The following PCDHA4 variants were observed in gnomAD, a reference collection of about 807,000 sequenced individuals.
PCDHA4 encodes protocadherin alpha-4.
A neutral mutation model predicts 61.4 loss-of-function variants in PCDHA4; 49 were observed. That is an observed-to-expected ratio of 0.80 (90% CI 0.63 to 1.01). The LOEUF (loss-of-function observed/expected upper bound fraction) is 1.01, where lower values mean the gene tolerates loss of function less well. PCDHA4 is among the 50% of genes least tolerant of loss of function. The pLI is 0.00. For missense variants in PCDHA4, 1,254 were observed against 1,235.8 expected (o/e 1.01, Z -0.22); for synonymous variants, 590 against 550.3 (o/e 1.07, Z -1.01).
intron 1 of PCDHA4, chr5:140,926,550 C>A (rs1235832737): frequency 1.7e-5 from 4 of 233,488 alleles, no homozygotes; most frequent in Admixed American, 5.6e-5. Context: ...TGGTCGAGAC[C>A]CCAGCCCGCT....
At position 140,828,476 on chromosome 5, in the gene PCDHA4, A is replaced by T. The variant is rs2150155737; in HGVS notation, c.2385+18904A>T. 1.4e-5 allele frequency: 22 copies of T among 1,614,168 alleles called. No homozygotes were observed. The South Asian group carries it at 2.4e-4, about 18-fold the overall frequency. On this transcript the variant is annotated intron_variant, in intron 1 of 3. Coordinates refer to ENST00000530339, the MANE Select transcript of PCDHA4 (RefSeq NM_018907.4). ...CGTGGAGGTGAGGGACATTAACGAC[A>T]ACCCGCCCTTGTTCCCGGTAGAGGA...
At chr5:140,817,298 G>GAAAGTGCACCAGA (rs1766109472) in intron 1 of PCDHA4, 1 of 152,200 alleles carries the variant, frequency 6.6e-6, no homozygotes, top group Non-Finnish European at 1.5e-5. Flanking sequence ...GGACTATAGG[G>GAAAGTGCACCAGA]AAAGTGCCCC....
At chr5:140,882,491 C>T (rs782462724) in intron 1 of PCDHA4, 1 of 1,614,078 alleles carries the variant, frequency 6.2e-7, no homozygotes, top group South Asian at 1.1e-5. Flanking sequence ...CGGGGACCTT[C>T]TGGAGGTAAA....
intron 1 of PCDHA4, chr5:140,815,973 G>T (rs1466366404): frequency 6.6e-6 from 1 of 152,142 alleles, no homozygotes; most frequent in Non-Finnish European, 1.5e-5. Context: ...TCTTTTGTAC[G>T]TGATGAGGCA....
At chr5:140,901,766 A>T (rs2068897184) in intron 1 of PCDHA4, among the ~76,000 whole-genome samples, 1 of 152,188 alleles carries the variant, frequency 6.6e-6, no homozygotes, top group Admixed American at 6.5e-5. Flanking sequence ...CAGGGATTGC[A>T]TTGAATTTGT....
At chr5:140,813,517 G>T (rs1342300406) in intron 1 of PCDHA4, 1 of 152,142 alleles carries the variant, frequency 6.6e-6, no homozygotes, top group Non-Finnish European at 1.5e-5. Flanking sequence ...ACATTGTACA[G>T]ATTTTTAAAA....
chr5:140,944,799 G>A (rs1160069845), intron 1 of PCDHA4, among the ~76,000 whole-genome samples: 2 of 152,090 alleles, frequency 1.3e-5, no homozygotes, highest in Non-Finnish European at 2.9e-5. Flanking sequence ...CAAGTCTGTC[G>A]AGGGTCCACA....
At chr5:140,929,050 C>T (rs946542782) in intron 1 of PCDHA4, 11 of 1,614,026 alleles carry the variant, frequency 6.8e-6, no homozygotes, top group African/African-American at 5.3e-5. Flanking sequence ...GAGCTGCTGT[C>T]GCTCTACAGA....
In PCDHA4 at chr5:140,923,298, C is replaced by T. The variant is rs1039610789; in HGVS notation, c.2386-55651C>T. ...TACAAAAAATTAAAAATTAGCTGGG[C>T]GTGGGGGCGCTTGGCCTAGAAGTTC... On this transcript the variant is annotated intron_variant, in intron 1 of 3. Transcript: ENST00000530339. Among the ~76,000 whole-genome samples, 28 of 152,160 alleles carry T rather than the reference C, an allele frequency of 1.8e-4. 1 individual carries two copies. The highest frequency in any genetic ancestry group is 4.8e-4 in the African/African-American group (20 of 41,504).
chr5:140,900,586 AC>A (rs1554189274), intron 1 of PCDHA4, among the ~76,000 whole-genome samples: 1 of 151,926 alleles, frequency 6.6e-6, no homozygotes, highest in African/African-American at 2.4e-5. Flanking sequence ...CATTTTCTTT[AC>A]CCGTTCATCT....
At chr5:141,008,704 T>C (rs1485324733) in intron 3 of PCDHA4, among the ~76,000 whole-genome samples, 1 of 152,236 alleles carries the variant, frequency 6.6e-6, no homozygotes, top group East Asian at 1.9e-4. Context: ...AGTTGGTTTC[T>C]AGTTGCTTGA....
At chr5:140,949,597 C>T (rs1279469149) in intron 1 of PCDHA4, among the ~76,000 whole-genome samples, 1 of 151,600 alleles carries the variant, frequency 6.6e-6, no homozygotes, top group African/African-American at 2.4e-5. Flanking sequence ...TTAATGTGGC[C>T]ATTCTAGTCT....
chr5:140,813,435 TA>T (rs1765294823), intron 1 of PCDHA4: 1 of 152,198 alleles, frequency 6.6e-6, no homozygotes, highest in South Asian at 2.1e-4. Flanking sequence ...CTGAATACTA[TA>T]GGGAATTGTA....
intron 3 of PCDHA4, among the ~76,000 whole-genome samples, chr5:140,998,369 C>T (rs530777656): frequency 1.3e-5 from 2 of 152,210 alleles, no homozygotes; most frequent in South Asian, 2.1e-4. Context: ...CTGCACACAC[C>T]GTCTCTAGAA....
intron 1 of PCDHA4, among the ~76,000 whole-genome samples, chr5:140,956,034 A>C (rs1274584028): frequency 1.3e-5 from 2 of 152,200 alleles, no homozygotes; most frequent in Non-Finnish European, 2.9e-5. Flanking sequence ...TTATCAGCTT[A>C]AGAAGCTTTT....
chr5:140,877,793 C>T, intron 1 of PCDHA4: 1 of 1,613,948 alleles, frequency 6.2e-7, no homozygotes, highest in Non-Finnish European at 8.5e-7. Flanking sequence ...GCCTTCAGCC[C>T]AAGCCTTCAG....
intron 1 of PCDHA4, among the ~76,000 whole-genome samples, chr5:140,975,067 T>C (rs2096652705): frequency 6.6e-6 from 1 of 152,146 alleles, no homozygotes; most frequent in African/African-American, 2.4e-5. Flanking sequence ...TCGAGCTCAT[T>C]CAGATTGTTG....
intron 1 of PCDHA4, chr5:140,877,813 G>A (rs781966059): frequency 6.2e-7 from 1 of 1,610,266 alleles, no homozygotes; most frequent in Admixed American, 1.7e-5. Context: ...GCTGTCTCGA[G>A]AAGATTGTTT....
At chr5:140,989,007 A>C (rs1356295875) in intron 3 of PCDHA4, 1 of 152,216 alleles carries the variant, frequency 6.6e-6, no homozygotes, top group Non-Finnish European at 1.5e-5. Flanking sequence ...ATAGAGACTT[A>C]TTATAGTTTC....
Sources: gnomAD v4.1 joint callset for allele counts (sites outside exome capture counted in the v4.1 genomes callset) on GRCh38, gnomAD v4.1.1 for gene constraint, MANE v1.5 for transcripts, NCBI Gene and HGNC (gene_info 2026-07-23, HGNC 2026-07-21) for gene names.